PHF24: variants seen among roughly 807,000 people sequenced by gnomAD.
PHF24 encodes the protein PHD finger protein 24, also known as Galpha inhibitory interacting protein.
PHF24 carries 25 observed loss-of-function variants against 42.6 expected under a neutral mutation model. The ratio of observed to expected loss-of-function variants is 0.59; its 90% CI spans 0.43 to 0.82. The LOEUF is 0.82. Ranked by LOEUF, PHF24 falls within the 40% of genes least tolerant of loss-of-function variation. PHF24 has a pLI of 0.00. For missense variants in PHF24, 470 were observed against 538.1 expected (o/e 0.87, Z 1.25); for synonymous variants, 185 against 204.8 (o/e 0.90, Z 0.83).
chr9:34,951,327 A>C, the PHF24 span, among the ~76,000 whole-genome samples: 9 of 152,352 alleles, frequency 5.9e-5, no homozygotes, highest in African/African-American at 2.2e-4. Context: ...GTACAAGGGC[A>C]CTATATGGCA....
the PHF24 span, among the ~76,000 whole-genome samples, chr9:34,777,234 G>C: frequency 6.7e-4 from 102 of 152,300 alleles, 1 homozygote; most frequent in South Asian, 0.012. Flanking sequence ...GCAGCAGTAG[G>C]CTGGGTGGGT....
the PHF24 span, among the ~76,000 whole-genome samples, chr9:34,841,330 A>G: frequency 2.6e-5 from 4 of 152,128 alleles, no homozygotes; most frequent in Non-Finnish European, 4.4e-5. Context: ...ATGTTTTAAG[A>G]GTGCCTCTTT....
the PHF24 span, among the ~76,000 whole-genome samples, chr9:34,777,492 G>A: frequency 1.3e-5 from 2 of 152,180 alleles, no homozygotes; most frequent in South Asian, 2.1e-4. Flanking sequence ...GGCAATGGCC[G>A]TACTGATACC....
the PHF24 span, among the ~76,000 whole-genome samples, chr9:34,912,411 A>G: frequency 6.6e-6 from 1 of 152,218 alleles, no homozygotes; most frequent in Non-Finnish European, 1.5e-5. Flanking sequence ...GAAACAAAGA[A>G]TGTATTGAAA....
At chr9:34,787,087 T>C in the PHF24 span, among the ~76,000 whole-genome samples, 1 of 152,084 alleles carries the variant, frequency 6.6e-6, no homozygotes. Flanking sequence ...GGAAAGGGGC[T>C]GGAAGGAAGC....
At chr9:34,746,750 A>G in the PHF24 span, among the ~76,000 whole-genome samples, 1 of 152,232 alleles carries the variant, frequency 6.6e-6, no homozygotes, top group Non-Finnish European at 1.5e-5. Context: ...CTGCTCCCAG[A>G]GACCTCAATT....
the PHF24 span, among the ~76,000 whole-genome samples, chr9:34,901,781 T>C: frequency 6.6e-6 from 1 of 152,186 alleles, no homozygotes. Flanking sequence ...TTTGATGATA[T>C]GAAGAAACTA....
chr9:34,899,607 C>T, the PHF24 span, among the ~76,000 whole-genome samples: 1 of 152,178 alleles, frequency 6.6e-6, no homozygotes, highest in African/African-American at 2.4e-5. Flanking sequence ...CATTAATGCC[C>T]AAGAGCTAGA....
At chr9:34,946,586 G>C in the PHF24 span, among the ~76,000 whole-genome samples, 1 of 152,164 alleles carries the variant, frequency 6.6e-6, no homozygotes, top group Non-Finnish European at 1.5e-5. Context: ...GTGATTATTT[G>C]ACAATATGTG....
chr9:34,968,723 A>G (rs1826868342), intron 1 of PHF24, among the ~76,000 whole-genome samples: 1 of 152,280 alleles, frequency 6.6e-6, no homozygotes, highest in South Asian at 2.1e-4. Context: ...AGTAAAAGGA[A>G]TTCTCCACAA....
the PHF24 span, among the ~76,000 whole-genome samples, chr9:34,701,882 G>A: frequency 6.6e-6 from 1 of 152,124 alleles, no homozygotes; most frequent in East Asian, 1.9e-4. The surrounding 1 kb of genome is among the most constrained non-coding windows in gnomAD (Gnocchi z 5.8). Context: ...AAATAGTCCC[G>A]ATTTACCCAG....
the PHF24 span, among the ~76,000 whole-genome samples, chr9:34,796,005 A>G: frequency 1.1e-4 from 16 of 152,076 alleles, no homozygotes; most frequent in Non-Finnish European, 2.2e-4. Flanking sequence ...GAAAAAAAAA[A>G]GAAAGAGAGA....
chr9:34,684,434 T>C, the PHF24 span, among the ~76,000 whole-genome samples: 1 of 152,160 alleles, frequency 6.6e-6, no homozygotes, highest in South Asian at 2.1e-4. Flanking sequence ...ACAGAGAGGA[T>C]GGTGCCCCCT....
the PHF24 span, among the ~76,000 whole-genome samples, chr9:34,794,963 C>A: frequency 3.9e-5 from 6 of 152,024 alleles, no homozygotes; most frequent in East Asian, 1.2e-3. Flanking sequence ...TACAAAGATA[C>A]AATTTCAAGA....
At chr9:34,910,868 G>T in the PHF24 span, among the ~76,000 whole-genome samples, 1 of 151,782 alleles carries the variant, frequency 6.6e-6, no homozygotes, top group African/African-American at 2.4e-5. Context: ...TGCCACCCAG[G>T]CTGGAGTGCA....
the PHF24 span, chr9:34,922,078 C>T: frequency 1.5e-4 from 151 of 1,026,248 alleles, no homozygotes; most frequent in Admixed American, 3.3e-4. Context: ...ATAGAAGTAA[C>T]ATAAACCTGT....
the PHF24 span, chr9:34,835,970 G>T: frequency 3.4e-4 from 242 of 714,822 alleles, 3 homozygotes; most frequent in South Asian, 3.4e-3. Flanking sequence ...TGAATCTCCA[G>T]AGCCATAGCA....
chr9:34,856,052 T>C, the PHF24 span, among the ~76,000 whole-genome samples: 1 of 152,232 alleles, frequency 6.6e-6, no homozygotes, highest in Non-Finnish European at 1.5e-5. Context: ...TTTCCTCTGC[T>C]TGATCTATTC....
chr9:34,958,128 T>C (rs1356127327), upstream of PHF24, among the ~76,000 whole-genome samples: 1 of 148,154 alleles, frequency 6.7e-6, no homozygotes, highest in Non-Finnish European at 1.5e-5. This position sits in a 1 kb window ranked among gnomAD's most constrained non-coding sequence, Gnocchi z 4.5. Flanking sequence ...GCAAGAGGAC[T>C]GGGCGGGGCG....
Sources: allele counts gnomAD v4.1 joint callset (sites outside exome capture counted in the v4.1 genomes callset), GRCh38; gene constraint gnomAD v4.1.1; non-coding constraint Gnocchi (gnomAD v3.1); transcripts MANE v1.5; gene names NCBI Gene and HGNC (gene_info 2026-07-23, HGNC 2026-07-21).